The following PIEZO1 variants were observed in gnomAD, a reference collection of about 807,000 sequenced individuals.
The protein encoded by PIEZO1 is piezo-type mechanosensitive ion channel component 1.
PIEZO1 carries 296 observed loss-of-function variants against 297.2 expected under a neutral mutation model. The ratio of observed to expected loss-of-function variants is 1.00; its 90% CI spans 0.91 to 1.10. The LOEUF is 1.10. Ranked by LOEUF, PIEZO1 falls within the 50% of genes least tolerant of loss-of-function variation. The pLI is 0.00. For missense variants in PIEZO1, 5,018 were observed against 3,455.5 expected (o/e 1.45, Z -11.34); for synonymous variants, 2,427 against 1,507.5 (o/e 1.61, Z -14.13).
intron 7 of PIEZO1, 22 bp from the exon 8 acceptor site, chr16:88,738,127 C>G: frequency 6.5e-7 from 1 of 1,535,726 alleles, no homozygotes; most frequent in Non-Finnish European, 8.7e-7. Flanking sequence ...AGACCCGTCA[C>G]AGCCTACCAC....
At chr16:88,719,303 C>A in intron 44 of PIEZO1, 1 of 451,950 alleles carries the variant, frequency 2.2e-6, no homozygotes. Flanking sequence ...AGTGGCTGTC[C>A]GGTCCTCCCT....
chr16:88,733,590 C>A lies in PIEZO1; in HGVS notation c.2485G>T (p.Glu829Ter). The A allele has an allele frequency of 6.5e-7, 1 of 1,541,858 alleles. No individual in the cohort carries two copies. The highest frequency in any genetic ancestry group is 8.8e-7 in the Non-Finnish European group (1 of 1,141,188). ...GCTGAGTTGCCTGCCACACTCACCT[C>A]CTTCAGGGCCACCCAGACGGTGTAC... ...ALYTVWVALK[E>*]VSVMNLLLVV... is the part of the protein sequence containing the mutation. Residue 829 changes from glutamate to a stop codon, truncating the protein, a stop_gained and splice_region_variant, in exon 18 of 51, where the codon GAG (glutamate) becomes TAG (stop). Coordinates refer to ENST00000301015, the MANE Select transcript of PIEZO1 (RefSeq NM_001142864.4). LOFTEE classifies it high-confidence loss of function.
chr16:88,723,190 G>A (rs772142402), intron 32 of PIEZO1, 36 bp downstream of exon 32: 30 of 1,549,068 alleles, frequency 1.9e-5, no homozygotes, highest in Middle Eastern at 1.7e-4. Context: ...GCAGTCCCGC[G>A]GCTTCCCCTC....
chr16:88,727,483 T>C lies in PIEZO1; in HGVS notation c.3301+74A>G, dbSNP rs1448933523. ...CGCCCGTGCACGCCTGTGTGCACAC[T>C]TGTGAGCAGATTTGGGGGCGTGAAT... On this transcript the variant is annotated intron_variant, in intron 23 of 50. Transcript: ENST00000301015. 4 of 678,320 alleles carry C rather than the reference T, an allele frequency of 5.9e-6. No homozygotes were observed. In the African/African-American group the frequency reaches 7.3e-5, roughly 12 times the overall value. The allele number at this position is 678,320 out of a possible 1,614,324, so 42.0% of individuals were successfully genotyped here. A position where few individuals can be genotyped will look rare whatever the true frequency, so the allele number is the denominator to read the frequency against.
At chr16:88,719,756 C>T in intron 43 of PIEZO1, 35 bp from the exon 44 acceptor site, 1 of 1,550,222 alleles carries the variant, frequency 6.5e-7, no homozygotes, top group East Asian at 2.4e-5. Flanking sequence ...AGGTGGGCTC[C>T]CTCATGCCCG....
chr16:88,726,226 A>G, intron 27 of PIEZO1, 58 bp downstream of exon 27: 1 of 1,429,486 alleles, frequency 7.0e-7, no homozygotes, highest in Non-Finnish European at 9.4e-7. Flanking sequence ...GGAACCTCCC[A>G]TTGCCCCCTC....
intron 44 of PIEZO1, 34 bp downstream of exon 44, chr16:88,719,540 C>G (rs1396557290): frequency 7.2e-6 from 11 of 1,538,220 alleles, no homozygotes; most frequent in Non-Finnish European, 7.9e-6. Flanking sequence ...ATATCCCTGG[C>G]CCTTGTCCCG....
Position 88,735,176 on chromosome 16 carries a change from T to A in PIEZO1, c.1628A>T (p.Glu543Val), listed in dbSNP as rs1597458838. 3 of 1,550,356 alleles carry A rather than the reference T, an allele frequency of 1.9e-6. No homozygotes were observed. Among genetic ancestry groups the A allele is most frequent in the South Asian group, 1.2e-5 (1 of 84,070 alleles). ...FVKEKLLKWA[E>V]SPAALTEVTV... ...GACCTCCGTCAGCGCAGCTGGAGAC[T>A]CTGCCCACTTCAGCAGCTTCTCTTT... The change falls in exon 13 of 51, where the codon GAG (glutamate) becomes GTG (valine). Residue 543 changes from glutamate (E) to valine (V), a missense_variant. Coordinates refer to ENST00000301015, the MANE Select transcript of PIEZO1 (RefSeq NM_001142864.4).
chr16:88,726,766 G>C lies in PIEZO1; in HGVS notation c.3648C>G (p.Asp1216Glu), dbSNP rs770345428. ...RDTRARLVLW[D>E]CLILYNVTVI... is the part of the protein sequence containing the mutation. ...CGGTGACGTTGTACAGAATGAGGCA[G>C]TCCCACAGCACGAGGCGGGCCCGTG... Residue 1216 changes from aspartate to glutamate, a missense_variant, in exon 25 of 51, where the codon GAC (aspartate) becomes GAG (glutamate). By Grantham distance (45) the Asp-to-Glu change is conservative. Transcript: ENST00000301015. 3.2e-6 allele frequency: 5 copies of C among 1,550,076 alleles called. No individual in the cohort carries two copies. In the South Asian group the frequency reaches 5.9e-5, roughly 18 times the overall value.
At chr16:88,755,056 G>A (rs889601900) in intron 1 of PIEZO1, among the ~76,000 whole-genome samples, 1 of 152,156 alleles carries the variant, frequency 6.6e-6, no homozygotes, top group Non-Finnish European at 1.5e-5. Flanking sequence ...GGTCACCGCC[G>A]CGGCCATCAC....
rs757893685 is a variant in PIEZO1 at position 88,723,155 on chromosome 16, G to C, written c.4439-4C>G. The C allele has an allele frequency of 2.4e-5, 37 of 1,549,190 alleles. No homozygotes were observed. Among genetic ancestry groups the C allele is most frequent in the Non-Finnish European group, 1.7e-6 (2 of 1,146,836 alleles). ...ACCTCCTGGCTGGGACCACCTCCTGGGCACAGGATGCTGGTGAGTGACTGG... is the reference window on the plus strand; with the variant it reads ...ACCTCCTGGCTGGGACCACCTCCTGCGCACAGGATGCTGGTGAGTGACTGG... On this transcript the variant is annotated splice_polypyrimidine_tract_variant and splice_region_variant and intron_variant, in intron 32 of 50. Transcript: ENST00000301015.
Position 88,725,432 on chromosome 16 carries a change from G to C in PIEZO1, c.4146C>G (p.Asp1382Glu). 6.8e-7 allele frequency: 1 copy of C among 1,464,644 alleles called. No homozygotes were observed. The highest frequency in any genetic ancestry group is 2.5e-5 in the East Asian group (1 of 39,982). The allele number at this position is 1,464,644 out of a possible 1,614,324, so 90.7% of individuals were successfully genotyped here. A position where few individuals can be genotyped will look rare whatever the true frequency, so the allele number is the denominator to read the frequency against. ...SRPQDTLGPK[D>E]PGLEPGPDSP... Reference sequence around the variant, plus strand: ...TGCACTCACCTGGCTCCAGGCCGGGGTCCTTGGGGCCCAGGGTGTCCTGGG... The same window carrying C: ...TGCACTCACCTGGCTCCAGGCCGGGCTCCTTGGGGCCCAGGGTGTCCTGGG... The change falls in exon 29 of 51, where the codon GAC becomes GAG. Residue 1382 changes from aspartate (D) to glutamate (E), a missense_variant. Transcript: ENST00000301015.
chr16:88,752,149 G>C (rs1447770163), intron 1 of PIEZO1, among the ~76,000 whole-genome samples: 1 of 152,222 alleles, frequency 6.6e-6, no homozygotes, highest in Non-Finnish European at 1.5e-5. Flanking sequence ...ATGCGAACAT[G>C]CTTACCGCTG....
intron 31 of PIEZO1, 44 bp from the exon 32 acceptor site, chr16:88,723,372 C>CA: frequency 1.3e-6 from 2 of 1,532,854 alleles, no homozygotes; most frequent in Non-Finnish European, 1.7e-6. Context: ...CCCGAGCCAT[C>CA]AGACCCAGGC....
At chr16:88,776,940 A>G (rs1037749381) in intron 1 of PIEZO1, among the ~76,000 whole-genome samples, 2 of 152,148 alleles carry the variant, frequency 1.3e-5, no homozygotes, top group Non-Finnish European at 2.9e-5. Flanking sequence ...AGAAGGAGGG[A>G]AGGGCCTGCA....
Position 88,716,656 on chromosome 16 carries a change from G to T in PIEZO1, c.6829C>A (p.Leu2277Met), listed in dbSNP as rs563555492. Residue 2277 changes from leucine to methionine, a missense_variant, in exon 47 of 51, where the codon CTG (leucine) becomes ATG (methionine). By Grantham distance (15) the Leu-to-Met change is conservative (BLOSUM62 2). Transcript: ENST00000301015. ...TAQIEGSSGA[L>M]WRISPPSRAQ... ...CGGCTGGGGGGACTGATGCGCCACAGCGCCCCGGAGCTGCCCTCAATCTGC... is the reference window on the plus strand; with the variant it reads ...CGGCTGGGGGGACTGATGCGCCACATCGCCCCGGAGCTGCCCTCAATCTGC... 3,542 of 1,549,434 alleles carry T rather than the reference G, an allele frequency of 2.3e-3. 104 individuals carry two copies. In the South Asian group the frequency reaches 0.039, roughly 17 times the overall value.
chr16:88,762,145 G>C (rs1216755145), intron 1 of PIEZO1, among the ~76,000 whole-genome samples: 2 of 152,206 alleles, frequency 1.3e-5, no homozygotes, highest in East Asian at 3.8e-4. Flanking sequence ...CCCCCACTGT[G>C]CCCTGGGAAG....
At position 88,734,960 on chromosome 16, in the gene PIEZO1, A is replaced by G. The variant is rs1269596997; in HGVS notation, c.1763T>C (p.Phe588Ser). 1 of 1,550,510 alleles carries G rather than the reference A, an allele frequency of 6.4e-7. No homozygotes were observed. The highest frequency in any genetic ancestry group is 1.2e-5 in the South Asian group (1 of 84,068). ...KYWIYVCAGMFIVVSFAGRLV... is the reference protein window; with the variant it reads ...KYWIYVCAGMSIVVSFAGRLV... ...GCGGCCGGCGAAGCTGACCACGATG[A>G]ACATGCCAGCACACACATAGATCCA... Residue 588 changes from phenylalanine to serine, a missense_variant, in exon 14 of 51, where the codon TTC becomes TCC. Coordinates refer to ENST00000301015, the MANE Select transcript of PIEZO1 (RefSeq NM_001142864.4).
At position 88,722,338 on chromosome 16, in the gene PIEZO1, C is replaced by A; in HGVS notation, c.4835G>T (p.Ser1612Ile). The A allele has an allele frequency of 6.5e-7, 1 of 1,540,390 alleles. No individual in the cohort carries two copies. The highest frequency in any genetic ancestry group is 8.8e-7 in the Non-Finnish European group (1 of 1,142,528). ...SMTDDMGSPL[S>I]TGYHTRSGSE... is the part of the protein sequence containing the mutation. ...GCCACTGCGCGTGTGGTAGCCGGTG[C>A]TCAGGGGGCTGCCCATGTCGTCTGT... is the stretch of plus-strand genomic sequence containing the variant. The change falls in exon 36 of 51, where the codon AGC becomes ATC. Residue 1612 changes from serine (S) to isoleucine (I), a missense_variant. Ser to Ile is a moderately radical substitution (Grantham distance 142). Coordinates refer to ENST00000301015, the MANE Select transcript of PIEZO1 (RefSeq NM_001142864.4).
Sources: gnomAD v4.1 joint callset for allele counts (sites outside exome capture counted in the v4.1 genomes callset) on GRCh38, gnomAD v4.1.1 for gene constraint, MANE v1.5 for transcripts, NCBI Gene and HGNC (gene_info 2026-07-23, HGNC 2026-07-21) for gene names.